Variants in LCT observed in about 807,000 individuals in gnomAD.
The protein encoded by LCT is lactase, also known as lactase/phlorizin hydrolase.
Under a neutral mutation model 173.0 loss-of-function variants are expected in LCT, and 90 were observed. The ratio of observed to expected loss-of-function variants is 0.52; its 90% CI spans 0.44 to 0.62. The LOEUF (loss-of-function observed/expected upper bound fraction) is 0.62, where lower values mean the gene tolerates loss of function less well. Among genes scored for constraint, LCT ranks in the 20% least tolerant of loss-of-function variants. The probability of loss-of-function intolerance (pLI) is 0.00; values close to 1 mark genes in which losing one functional copy is unlikely to be tolerated. For missense variants in LCT, 1,864 were observed against 2,431.4 expected (o/e 0.77, Z 4.91); for synonymous variants, 853 against 957.6 (o/e 0.89, Z 2.02).
chr2:135,834,151 G>T (rs927763990), intron 1 of LCT, among the ~76,000 whole-genome samples: 9 of 151,908 alleles, frequency 5.9e-5, no homozygotes, highest in African/African-American at 2.2e-4. Context: ...CCACCTTTTG[G>T]CTATTGTGAA....
intron 13 of LCT, among the ~76,000 whole-genome samples, chr2:135,797,198 T>A (rs1388367136): frequency 6.6e-6 from 1 of 152,184 alleles, no homozygotes; most frequent in Non-Finnish European, 1.5e-5. Context: ...TCCGCCCACC[T>A]TGGCCTCCCA....
In LCT at chr2:135,836,928, G is replaced by A. The variant is rs1679416117; in HGVS notation, c.242C>T (p.Ala81Val). 6.2e-7 allele frequency: 1 copy of A among 1,614,028 alleles called. No individual in the cohort carries two copies. Among genetic ancestry groups the A allele is most frequent in the Admixed American group, 1.7e-5 (1 of 60,004 alleles). The change falls in exon 1 of 17, where the codon GCC becomes GTC. Residue 81 changes from alanine to valine, a missense_variant. This residue lies in a region of LCT where 412 missense variants were observed against 462.0 expected (regional missense o/e 0.89). Transcript: ENST00000264162. ...TACCTTATAATGGGTGATCTGACTGGCATGGAGACTGCTGAAGTATTCTGG... is the reference window on the plus strand; with the variant it reads ...TACCTTATAATGGGTGATCTGACTGACATGGAGACTGCTGAAGTATTCTGG... ...FLPEYFSSLH[A>V]SQITHYKVFL... is the part of the protein sequence containing the mutation.
intron 14 of LCT, 132 bp from the exon 15 acceptor site, chr2:135,791,013 C>A: frequency 1.4e-6 from 1 of 738,568 alleles, no homozygotes; most frequent in Non-Finnish European, 2.4e-6. Flanking sequence ...ATACTAAACC[C>A]AGAAGAATCA....
At chr2:135,829,468 A>T (rs2077915504) in intron 3 of LCT, 125 bp downstream of exon 3, 1 of 781,948 alleles carries the variant, frequency 1.3e-6, no homozygotes, top group Non-Finnish European at 2.3e-6. Flanking sequence ...CCCCAGACAC[A>T]ACTCAGCCGG....
intron 13 of LCT, among the ~76,000 whole-genome samples, chr2:135,796,114 G>A (rs1308595637): frequency 6.6e-6 from 1 of 152,214 alleles, no homozygotes; most frequent in Non-Finnish European, 1.5e-5. Flanking sequence ...AGCCTCTCCT[G>A]TAGAACCTGA....
chr2:135,800,197 A>G (rs2077614036), intron 12 of LCT, among the ~76,000 whole-genome samples: 1 of 152,162 alleles, frequency 6.6e-6, no homozygotes, highest in Non-Finnish European at 1.5e-5. Flanking sequence ...CAAGCTCACA[A>G]AATCAGGCAA....
Position 135,804,933 on chromosome 2 carries a change from G to C in LCT, c.4298C>G (p.Ala1433Gly). The change falls in exon 10 of 17, where the codon GCT becomes GGT. Residue 1433 changes from alanine to glycine, a missense_variant. By Grantham distance (60) the Ala-to-Gly change is moderately conservative. Transcript: ENST00000264162. ...GTTCTGCAGGGTGACCAGATCCTCA[G>C]CAATCTTGTGATAACTGTCACAGGC... ...DVACDSYHKI[A>G]EDLVTLQNLG... The C allele has an allele frequency of 6.2e-7, 1 of 1,614,200 alleles. No individual in the cohort carries two copies. The highest frequency in any genetic ancestry group is 1.1e-5 in the South Asian group (1 of 91,086).
chr2:135,819,009 C>G (rs115580210), intron 5 of LCT, among the ~76,000 whole-genome samples: 3,446 of 152,252 alleles, frequency 0.023, 141 homozygotes, highest in African/African-American at 0.079. Flanking sequence ...AGCATCCATC[C>G]TGAACCATGA....
At chr2:135,801,662 C>T (rs1157023524) in intron 11 of LCT, among the ~76,000 whole-genome samples, 3 of 151,366 alleles carry the variant, frequency 2.0e-5, no homozygotes, top group Non-Finnish European at 4.4e-5. Context: ...CTGCAGTGAG[C>T]CGAGGGGTTC....
chr2:135,822,826 C>T (rs2077846937), intron 4 of LCT: 1 of 153,558 alleles, frequency 6.5e-6, no homozygotes, highest in African/African-American at 2.4e-5. Flanking sequence ...CATGAGGGAT[C>T]CGCCTTCAGG....
At chr2:135,827,663 T>C (rs2077898673) in intron 3 of LCT, among the ~76,000 whole-genome samples, 1 of 152,188 alleles carries the variant, frequency 6.6e-6, no homozygotes, top group Non-Finnish European at 1.5e-5. Flanking sequence ...CCTGGATCCC[T>C]CGCATGCGCA....
chr2:135,835,482 G>GTATA (rs55900419), intron 1 of LCT, among the ~76,000 whole-genome samples: 56 of 67,892 alleles, frequency 8.2e-4, no homozygotes, highest in East Asian at 1.7e-3. Context: ...GAACATAGAA[G>GTATA]TATATATATA....
At chr2:135,811,307 G>T (rs2077732668) in intron 7 of LCT, among the ~76,000 whole-genome samples, 1 of 152,166 alleles carries the variant, frequency 6.6e-6, no homozygotes, top group Non-Finnish European at 1.5e-5. Flanking sequence ...AACCCGTGGT[G>T]CCAGTGAATA....
intron 6 of LCT, among the ~76,000 whole-genome samples, chr2:135,816,886 T>G (rs57133340): frequency 0.052 from 7,486 of 144,840 alleles, 339 homozygotes; most frequent in African/African-American, 0.12. Context: ...TTTTTTTTTT[T>G]GAGACAGGGT....
At chr2:135,834,787 CAAAA>C (rs60298631) in intron 1 of LCT, among the ~76,000 whole-genome samples, 1 of 34,180 alleles carries the variant, frequency 2.9e-5, no homozygotes, top group Non-Finnish European at 5.0e-5. Context: ...GACTCCATCT[CAAAA>C]AAAAAAAAAA....
intron 12 of LCT, 111 bp downstream of exon 12, chr2:135,800,496 A>AT: frequency 1.1e-6 from 1 of 927,622 alleles, no homozygotes; most frequent in Non-Finnish European, 1.8e-6. Flanking sequence ...AAGTGCTGGG[A>AT]TTATAGACAT....
intron 14 of LCT, among the ~76,000 whole-genome samples, chr2:135,793,511 C>T (rs1020644440): frequency 9.2e-5 from 14 of 152,280 alleles, no homozygotes; most frequent in Middle Eastern, 3.4e-3. Context: ...AAACAGTCTA[C>T]CTGAATGAGA....
chr2:135,789,599 T>C lies in LCT; in HGVS notation c.5535A>G (p.Thr1845=). 4 of 1,613,980 alleles carry C rather than the reference T, an allele frequency of 2.5e-6. No individual in the cohort carries two copies. Among genetic ancestry groups the C allele is most frequent in the Non-Finnish European group, 3.4e-6 (4 of 1,179,952 alleles). ...VRCNGFPDPA[T]GPHACLHQPD... Reference sequence around the variant, plus strand: ...GCTGGTGGAGACAAGCGTGAGGCCCTGTAGCGGGGTCAGGGAAGCCATTGC... The same window carrying C: ...GCTGGTGGAGACAAGCGTGAGGCCCCGTAGCGGGGTCAGGGAAGCCATTGC... The change falls in exon 16 of 17, where the codon ACA becomes ACG. Residue 1845 remains threonine, a synonymous_variant. Transcript: ENST00000264162.
At chr2:135,807,003 T>A (rs989734112) in intron 9 of LCT, 125 bp downstream of exon 9, 2 of 1,112,244 alleles carry the variant, frequency 1.8e-6, no homozygotes, top group African/African-American at 3.1e-5. Flanking sequence ...CCAGACCCCA[T>A]GCTGCCCCTC....
Sources: allele counts gnomAD v4.1 joint callset (sites outside exome capture counted in the v4.1 genomes callset), GRCh38; gene constraint gnomAD v4.1.1; regional missense constraint gnomAD v4.1.1; transcripts MANE v1.5; gene names NCBI Gene and HGNC (gene_info 2026-07-23, HGNC 2026-07-21).